Variants in NRXN1 observed in about 807,000 individuals in gnomAD.
NRXN1 encodes the protein neurexin-1.
Under a neutral mutation model 150.9 loss-of-function variants are expected in NRXN1, and 39 were observed. That is an observed-to-expected ratio of 0.26 (90% CI 0.20 to 0.34). The LOEUF is 0.34. Among genes scored for constraint, NRXN1 ranks in the 10% least tolerant of loss-of-function variants. NRXN1 has a pLI of 1.00. For synonymous variants in NRXN1, 924 were observed against 757.0 expected, an observed-to-expected ratio of 1.22 and a Z score of -3.62; for missense variants, 1,815 against 1,949.9, an observed-to-expected ratio of 0.93 and a Z score of 1.30.
intron 17 of NRXN1, among the ~76,000 whole-genome samples, chr2:50,357,861 A>C (rs1444632718): frequency 1.3e-5 from 2 of 152,128 alleles, no homozygotes; most frequent in Admixed American, 6.6e-5. Flanking sequence ...TGATTTCTGC[A>C]TTTTCAACTA....
chr2:50,562,731 T>C (rs1669291765), intron 8 of NRXN1, among the ~76,000 whole-genome samples: 1 of 152,144 alleles, frequency 6.6e-6, no homozygotes, highest in Admixed American at 6.5e-5. Flanking sequence ...GGAACACAAT[T>C]TTTAAATAAT....
intron 18 of NRXN1, among the ~76,000 whole-genome samples, chr2:50,175,951 G>A (rs968548816): frequency 3.9e-5 from 6 of 152,044 alleles, no homozygotes; most frequent in African/African-American, 1.2e-4. Context: ...TTAGAGAGAA[G>A]AAATTCACAA....
intron 2 of NRXN1, among the ~76,000 whole-genome samples, chr2:50,951,786 TA>T (rs1242472504): frequency 5.3e-5 from 8 of 151,766 alleles, no homozygotes; most frequent in Non-Finnish European, 1.0e-4. Context: ...CAGAATTTTA[TA>T]AAAATATGTT....
intron 5 of NRXN1, among the ~76,000 whole-genome samples, chr2:50,824,643 A>G (rs1438995470): frequency 6.6e-6 from 1 of 152,158 alleles, no homozygotes; most frequent in Non-Finnish European, 1.5e-5. Flanking sequence ...GGCATAGTCA[A>G]AGGTTAGCTC....
chr2:50,312,052 G>T (rs990387284), intron 17 of NRXN1, among the ~76,000 whole-genome samples: 1 of 152,082 alleles, frequency 6.6e-6, no homozygotes, highest in Non-Finnish European at 1.5e-5. Flanking sequence ...AAAAATTTTT[G>T]ATTGTTAGTG....
chr2:50,228,177 A>T (rs2064586544), intron 18 of NRXN1, among the ~76,000 whole-genome samples: 1 of 152,044 alleles, frequency 6.6e-6, no homozygotes, highest in Non-Finnish European at 1.5e-5. Flanking sequence ...TTAATAATTT[A>T]TATCATTTAT....
chr2:50,515,284 G>C (rs2092595795), intron 12 of NRXN1, among the ~76,000 whole-genome samples: 1 of 152,114 alleles, frequency 6.6e-6, no homozygotes, highest in Non-Finnish European at 1.5e-5. Flanking sequence ...CTCTCTAGTT[G>C]CTGGTAAACA....
At chr2:50,660,066 T>C (rs1047141863) in intron 5 of NRXN1, among the ~76,000 whole-genome samples, 2 of 151,980 alleles carry the variant, frequency 1.3e-5, no homozygotes, top group Admixed American at 6.6e-5. Flanking sequence ...AACAAATACA[T>C]CAAATGCCTC....
intron 5 of NRXN1, among the ~76,000 whole-genome samples, chr2:50,801,567 T>G (rs1442708440): frequency 1.3e-5 from 2 of 152,128 alleles, no homozygotes; most frequent in East Asian, 1.9e-4. Flanking sequence ...ACACAAGCTT[T>G]GATATTTAAA....
intron 8 of NRXN1, among the ~76,000 whole-genome samples, chr2:50,556,520 T>A (rs199504883): frequency 1.3e-5 from 2 of 148,980 alleles, no homozygotes; most frequent in East Asian, 2.0e-4. Context: ...TTTTTTTTTT[T>A]AAAGAGTGAT....
chr2:50,954,373 T>C (rs1691921808), intron 2 of NRXN1, among the ~76,000 whole-genome samples: 1 of 152,310 alleles, frequency 6.6e-6, no homozygotes, highest in Non-Finnish European at 1.5e-5. Context: ...TCTCTACATA[T>C]TGCTGTCAAC....
intron 2 of NRXN1, among the ~76,000 whole-genome samples, chr2:50,941,892 C>A (rs529633748): frequency 6.6e-6 from 1 of 152,088 alleles, no homozygotes; most frequent in African/African-American, 2.4e-5. Flanking sequence ...ATGTTAATAG[C>A]CAAGACAATA....
chr2:49,989,464 G>A (rs948093028), intron 21 of NRXN1, among the ~76,000 whole-genome samples: 3 of 152,126 alleles, frequency 2.0e-5, no homozygotes, highest in South Asian at 2.1e-4. Flanking sequence ...CCAACAAACC[G>A]GTCAATGCAC....
chr2:50,082,077 G>A (rs1160515466), intron 19 of NRXN1, among the ~76,000 whole-genome samples: 3 of 152,136 alleles, frequency 2.0e-5, no homozygotes, highest in Non-Finnish European at 4.4e-5. Flanking sequence ...CCGGCCTTCA[G>A]TGCTTAGCTA....
intron 5 of NRXN1, 65 bp from the exon 6 acceptor site, chr2:50,623,680 AC>A (rs1680464219): frequency 2.6e-6 from 3 of 1,172,440 alleles, no homozygotes; most frequent in Non-Finnish European, 3.6e-6. Flanking sequence ...GCAGGTCTTA[AC>A]AGAAACAATA....
intron 5 of NRXN1, among the ~76,000 whole-genome samples, chr2:50,893,542 T>C (rs926511779): frequency 2.0e-5 from 3 of 152,256 alleles, no homozygotes; most frequent in South Asian, 4.1e-4. Context: ...TAGAAGCTAT[T>C]CTGATATTTG....
chr2:50,841,609 T>C (rs1387374565), intron 5 of NRXN1, among the ~76,000 whole-genome samples: 3 of 152,226 alleles, frequency 2.0e-5, no homozygotes, highest in Non-Finnish European at 4.4e-5. Flanking sequence ...TTAGAGTGCT[T>C]GTTTCTGGCA....
chr2:50,068,568 T>C (rs1052839901), intron 19 of NRXN1, among the ~76,000 whole-genome samples: 2 of 152,210 alleles, frequency 1.3e-5, no homozygotes, highest in Admixed American at 1.3e-4. Flanking sequence ...GCATAACATC[T>C]TTTAACCTCA....
chr2:50,945,439 G>A (rs1690191851), intron 2 of NRXN1, among the ~76,000 whole-genome samples: 1 of 152,016 alleles, frequency 6.6e-6, no homozygotes, highest in Non-Finnish European at 1.5e-5. Flanking sequence ...TTTCCAGCCT[G>A]GGTGACAGAG....
Sources: gnomAD v4.1 joint callset for allele counts (sites outside exome capture counted in the v4.1 genomes callset) on GRCh38, gnomAD v4.1.1 for gene constraint, MANE v1.5 for transcripts, NCBI Gene and HGNC (gene_info 2026-07-23, HGNC 2026-07-21) for gene names.